Variants in ENTREP2 observed in about 807,000 individuals in gnomAD.
ENTREP2 encodes endosomal transmembrane epsin interactor 2.
At chr15:29,421,742 A>G in the ENTREP2 span, among the ~76,000 whole-genome samples, 3 of 152,190 alleles carry the variant, frequency 2.0e-5, no homozygotes, top group African/African-American at 7.2e-5. Flanking sequence ...TTTTAATATA[A>G]AGAGAGCTTA....
At chr15:29,479,258 G>C in the ENTREP2 span, among the ~76,000 whole-genome samples, 4 of 149,624 alleles carry the variant, frequency 2.7e-5, no homozygotes, top group Non-Finnish European at 5.9e-5. Context: ...CCCCGCTCCT[G>C]CTCTCCCCAT....
At chr15:29,530,557 C>T in the ENTREP2 span, among the ~76,000 whole-genome samples, 1 of 152,244 alleles carries the variant, frequency 6.6e-6, no homozygotes. Context: ...AAGAGCGGTT[C>T]ACCACTTTGG....
the ENTREP2 span, among the ~76,000 whole-genome samples, chr15:29,652,246 C>T: frequency 6.6e-6 from 1 of 152,154 alleles, no homozygotes; most frequent in African/African-American, 2.4e-5. Context: ...CAGAGAGGGG[C>T]CACCCACCCC....
the ENTREP2 span, among the ~76,000 whole-genome samples, chr15:29,394,480 C>A: frequency 6.6e-6 from 1 of 152,136 alleles, no homozygotes; most frequent in African/African-American, 2.4e-5. Context: ...CAAGAACAAA[C>A]AGACCTGTAA....
the ENTREP2 span, among the ~76,000 whole-genome samples, chr15:29,207,282 G>A: frequency 6.6e-6 from 1 of 152,158 alleles, no homozygotes; most frequent in Non-Finnish European, 1.5e-5. Flanking sequence ...TCCCGCCCGT[G>A]GCTTCCTGGT....
At chr15:29,339,209 C>A in the ENTREP2 span, among the ~76,000 whole-genome samples, 3 of 152,236 alleles carry the variant, frequency 2.0e-5, no homozygotes, top group Admixed American at 6.5e-5. Flanking sequence ...CCCCTCCATT[C>A]GGCTTTGATG....
chr15:29,382,093 C>G, the ENTREP2 span, among the ~76,000 whole-genome samples: 1 of 151,986 alleles, frequency 6.6e-6, no homozygotes, highest in African/African-American at 2.4e-5. Context: ...TCTGAAACAC[C>G]CCACCCTGGT....
At chr15:29,157,264 G>C in the ENTREP2 span, among the ~76,000 whole-genome samples, 1 of 152,154 alleles carries the variant, frequency 6.6e-6, no homozygotes, top group African/African-American at 2.4e-5. Flanking sequence ...CATCCCTACA[G>C]AGTTCAAATG....
At chr15:29,272,652 A>T in the ENTREP2 span, among the ~76,000 whole-genome samples, 337 of 152,308 alleles carry the variant, frequency 2.2e-3, 2 homozygotes, top group African/African-American at 7.5e-3. Flanking sequence ...AGGGAGCAGG[A>T]ATCTATGCAG....
At chr15:29,402,852 T>TA in the ENTREP2 span, among the ~76,000 whole-genome samples, 1 of 152,152 alleles carries the variant, frequency 6.6e-6, no homozygotes, top group African/African-American at 2.4e-5. Context: ...AACGCACTAT[T>TA]AAAACCCAAG....
chr15:29,359,830 CAT>C, the ENTREP2 span, among the ~76,000 whole-genome samples: 1 of 152,168 alleles, frequency 6.6e-6, no homozygotes, highest in Non-Finnish European at 1.5e-5. Context: ...GACAAGGAAA[CAT>C]AGATCTACAG....
the ENTREP2 span, among the ~76,000 whole-genome samples, chr15:29,301,470 C>T: frequency 3.9e-5 from 6 of 152,270 alleles, no homozygotes; most frequent in East Asian, 5.8e-4. Flanking sequence ...TGTGATTTTA[C>T]GGTAATAGGC....
At chr15:29,158,132 G>A in the ENTREP2 span, among the ~76,000 whole-genome samples, 2 of 152,164 alleles carry the variant, frequency 1.3e-5, no homozygotes, top group African/African-American at 2.4e-5. Context: ...TTAAATGAAT[G>A]CCTTTCTACA....
the ENTREP2 span, among the ~76,000 whole-genome samples, chr15:29,566,622 A>AT: frequency 6.6e-6 from 1 of 150,752 alleles, no homozygotes; most frequent in Non-Finnish European, 1.5e-5. Context: ...ACACCTGACT[A>AT]TTTTTTGTAT....
the ENTREP2 span, among the ~76,000 whole-genome samples, chr15:29,291,419 T>C: frequency 1.2e-3 from 179 of 152,256 alleles, no homozygotes; most frequent in Non-Finnish European, 2.1e-3. Context: ...CAGGCTCCAT[T>C]TGGGGCTCTG....
At chr15:29,223,816 C>T in the ENTREP2 span, among the ~76,000 whole-genome samples, 2 of 152,312 alleles carry the variant, frequency 1.3e-5, no homozygotes, top group East Asian at 1.9e-4. Context: ...CATCCTTCTA[C>T]ACTGCAGGTA....
At chr15:29,209,601 G>T in the ENTREP2 span, among the ~76,000 whole-genome samples, 2 of 152,208 alleles carry the variant, frequency 1.3e-5, no homozygotes, top group Non-Finnish European at 2.9e-5. Flanking sequence ...GTTTCCCACA[G>T]AGAGAGAAGG....
the ENTREP2 span, among the ~76,000 whole-genome samples, chr15:29,300,390 G>A: frequency 7.1e-6 from 1 of 140,292 alleles, no homozygotes; most frequent in Admixed American, 7.0e-5. Flanking sequence ...TGGATAGATA[G>A]ATGGATAAAT....
chr15:29,415,415 T>C, the ENTREP2 span, among the ~76,000 whole-genome samples: 1 of 152,152 alleles, frequency 6.6e-6, no homozygotes, highest in Admixed American at 6.5e-5. Flanking sequence ...ATTATCTCAA[T>C]AGATGCAGAA....
Sources: gnomAD v4.1 joint callset for allele counts (sites outside exome capture counted in the v4.1 genomes callset) on GRCh38, gnomAD v4.1.1 for gene constraint, MANE v1.5 for transcripts, NCBI Gene and HGNC (gene_info 2026-07-23, HGNC 2026-07-21) for gene names.